The following TRAF3IP2 variants were observed in gnomAD, a reference collection of about 807,000 sequenced individuals.
TRAF3IP2 encodes E3 ubiquitin ligase TRAF3IP2.
A neutral mutation model predicts 57.9 loss-of-function variants in TRAF3IP2; 35 were observed. The observed-to-expected ratio is 0.60, with a 90% confidence interval of 0.46 to 0.80. The LOEUF (loss-of-function observed/expected upper bound fraction) is 0.80. TRAF3IP2 is among the 30% of genes least tolerant of loss of function. The probability of loss-of-function intolerance (pLI) is 0.00; values close to 1 mark genes in which losing one functional copy is unlikely to be tolerated. For synonymous variants in TRAF3IP2, 251 were observed against 268.9 expected, an observed-to-expected ratio of 0.93 and a Z score of 0.65; for missense variants, 556 against 706.4, an observed-to-expected ratio of 0.79 and a Z score of 2.41.
At chr6:111,578,569 G>A (rs1796063506) in intron 3 of TRAF3IP2, among the ~76,000 whole-genome samples, 1 of 152,200 alleles carries the variant, frequency 6.6e-6, no homozygotes, top group African/African-American at 2.4e-5. Context: ...CTTGAGTGCA[G>A]GAGGCGAAGG....
intron 2 of TRAF3IP2, among the ~76,000 whole-genome samples, chr6:111,585,500 G>C (rs945133817): frequency 6.6e-6 from 1 of 152,102 alleles, no homozygotes; most frequent in African/African-American, 2.4e-5. Flanking sequence ...AGATAAATAG[G>C]ATACAGTTCC....
At chr6:111,567,472 T>G (rs1353991904) in intron 6 of TRAF3IP2, 152 bp downstream of exon 6, 22 of 1,318,342 alleles carry the variant, frequency 1.7e-5, no homozygotes, top group Non-Finnish European at 2.1e-5. Flanking sequence ...CCTTTCCAAG[T>G]CTTTGCACGG....
chr6:111,581,881 G>A (rs912233055), intron 2 of TRAF3IP2, among the ~76,000 whole-genome samples: 2 of 152,184 alleles, frequency 1.3e-5, no homozygotes, highest in Non-Finnish European at 2.9e-5. Context: ...AGGAAGCTGA[G>A]GCAGGAGAAA....
intron 1 of TRAF3IP2, among the ~76,000 whole-genome samples, chr6:111,592,915 T>C (rs1186690806): frequency 6.6e-6 from 1 of 152,222 alleles, no homozygotes; most frequent in Non-Finnish European, 1.5e-5. Flanking sequence ...GTTTGTGATG[T>C]AGTTGAACCA....
chr6:111,578,145 A>C (rs1796046281), intron 3 of TRAF3IP2, among the ~76,000 whole-genome samples: 1 of 152,236 alleles, frequency 6.6e-6, no homozygotes, highest in Non-Finnish European at 1.5e-5. Context: ...TGTAAGTCTA[A>C]AATTGTTTGA....
rs1434543050 is a variant in TRAF3IP2, at chr6:111,556,034, T to C, written c.*3371A>G. 6.9e-6 allele frequency among the ~76,000 whole-genome samples: 1 copy of C among 144,044 alleles called. No homozygotes were observed. Among genetic ancestry groups the C allele is most frequent in the Admixed American group, 7.3e-5 (1 of 13,736 alleles). The allele number at this position is 144,044 out of a possible 152,430, so 94.5% of individuals were successfully genotyped here. On this transcript the variant is annotated 3_prime_UTR_variant, in exon 9 of 9. Transcript: ENST00000368761. ...AGGAGAATCGCTTGAACCCGGGAGG[T>C]GGAGGTTGCAGTGAGCTGTGATTGC... is the stretch of plus-strand genomic sequence containing the variant.
chr6:111,598,695 G>A (rs977984564), intron 1 of TRAF3IP2, among the ~76,000 whole-genome samples: 6 of 152,190 alleles, frequency 3.9e-5, no homozygotes, highest in Non-Finnish European at 7.4e-5. Flanking sequence ...GGGTAGGAAA[G>A]AGGTTTGCTT....
At chr6:111,597,444 C>T (rs1180370340) in intron 1 of TRAF3IP2, among the ~76,000 whole-genome samples, 1 of 152,196 alleles carries the variant, frequency 6.6e-6, no homozygotes, top group Non-Finnish European at 1.5e-5. Context: ...CCCCAGACCC[C>T]TGTCTGAACT....
chr6:111,582,065 G>T (rs189163088), intron 2 of TRAF3IP2, among the ~76,000 whole-genome samples: 1 of 152,226 alleles, frequency 6.6e-6, no homozygotes, highest in Non-Finnish European at 1.5e-5. Flanking sequence ...GGGAATGATG[G>T]CCTCAAGTAC....
intron 2 of TRAF3IP2, among the ~76,000 whole-genome samples, chr6:111,581,336 C>T (rs973333375): frequency 3.9e-5 from 6 of 152,132 alleles, no homozygotes; most frequent in African/African-American, 1.4e-4. Flanking sequence ...CACATGGTAG[C>T]CCTGCAAGAT....
intron 5 of TRAF3IP2, among the ~76,000 whole-genome samples, chr6:111,570,487 G>A (rs573780974): frequency 1.3e-3 from 203 of 152,248 alleles, no homozygotes; most frequent in African/African-American, 4.6e-3. Flanking sequence ...CTCATTAAGT[G>A]TTTCATTCCA....
At position 111,580,240 on chromosome 6, in the gene TRAF3IP2, G is replaced by A; in HGVS notation, c.979C>T (p.Pro327Ser). The change falls in exon 3 of 9, where the codon CCC becomes TCC. Residue 327 changes from proline to serine, a missense_variant. Around this residue, in one of 2 missense-constraint regions of TRAF3IP2, gnomAD observed 428 missense variants for 498.7 expected, o/e 0.86. Transcript: ENST00000368761. ...YPSPWDHEER[P>S]AQRDCSFPGL... ...GGAAAGGAGCAGTCTCTCTGTGCGG[G>A]CCTCTCTTCGTGGTCCCAGGGGCTG... 1 of 1,613,256 alleles carries A rather than the reference G, an allele frequency of 6.2e-7. No individual in the cohort carries two copies. The highest frequency in any genetic ancestry group is 8.5e-7 in the Non-Finnish European group (1 of 1,179,200).
At chr6:111,602,610 G>T (rs1190039388) in intron 1 of TRAF3IP2, among the ~76,000 whole-genome samples, 1 of 152,106 alleles carries the variant, frequency 6.6e-6, no homozygotes, top group Non-Finnish European at 1.5e-5. Context: ...GTATGAGAAG[G>T]GGCAGTTGGA....
At chr6:111,597,931 G>GT in intron 1 of TRAF3IP2, 1 of 455,762 alleles carries the variant, frequency 2.2e-6, no homozygotes, top group South Asian at 1.5e-5. Context: ...GAAAAGCCCT[G>GT]TTTTCCAGCC....
chr6:111,564,133 C>T (rs1285462439), intron 7 of TRAF3IP2, among the ~76,000 whole-genome samples: 1 of 152,034 alleles, frequency 6.6e-6, no homozygotes, highest in African/African-American at 2.4e-5. Flanking sequence ...AGAAACCCCT[C>T]ATAAACACAC....
intron 8 of TRAF3IP2, 68 bp from the exon 9 acceptor site, chr6:111,559,619 A>G (rs1269438058): frequency 1.9e-6 from 3 of 1,562,190 alleles, no homozygotes; most frequent in Non-Finnish European, 2.6e-6. Flanking sequence ...TCCCAGGCTC[A>G]GTTCCCAAAC....
chr6:111,589,407 G>A (rs1796439805), intron 2 of TRAF3IP2, among the ~76,000 whole-genome samples: 1 of 152,126 alleles, frequency 6.6e-6, no homozygotes, highest in Admixed American at 6.5e-5. Flanking sequence ...ATGTTAAAAA[G>A]TAGTTTATGG....
In TRAF3IP2 at chr6:111,559,201, G is replaced by A. The variant is rs1795342097; in HGVS notation, c.*204C>T. ...TTTTAAAAGCAGAGAATGCAGAGCA[G>A]TCACAGACTCCACTTCAAAGCCAGG... On this transcript the variant is annotated 3_prime_UTR_variant, in exon 9 of 9. Transcript: ENST00000368761. The A allele has an allele frequency of 3.4e-6, 2 of 591,058 alleles. No homozygotes were observed. The highest frequency in any genetic ancestry group is 1.8e-5 in the African/African-American group (1 of 54,162). 36.6% of individuals were successfully genotyped at this position (591,058 alleles called of 1,614,324 possible).
intron 2 of TRAF3IP2, among the ~76,000 whole-genome samples, chr6:111,589,787 CTTTTT>C (rs992837379): frequency 3.9e-5 from 6 of 152,112 alleles, no homozygotes; most frequent in African/African-American, 1.4e-4. Flanking sequence ...TTGTTTTTTT[CTTTTT>C]TGAGTTATGA....
Sources: allele counts gnomAD v4.1 joint callset (sites outside exome capture counted in the v4.1 genomes callset), GRCh38; gene constraint gnomAD v4.1.1; regional missense constraint gnomAD v4.1.1; transcripts MANE v1.5; gene names NCBI Gene and HGNC (gene_info 2026-07-23, HGNC 2026-07-21).